The following CDH18 variants were observed in gnomAD, a reference collection of about 807,000 sequenced individuals.
CDH18 encodes cadherin-18.
CDH18 carries 31 observed loss-of-function variants against 67.9 expected under a neutral mutation model. The ratio of observed to expected loss-of-function variants is 0.46; its 90% confidence interval spans 0.34 to 0.62. CDH18 has a LOEUF of 0.62. CDH18 is among the 20% of genes least tolerant of loss of function. The probability of loss-of-function intolerance (pLI) is 0.01; values close to 1 mark genes in which losing one functional copy is unlikely to be tolerated. For synonymous variants in CDH18, 362 were observed against 347.2 expected (o/e 1.04, Z -0.48); for missense variants, 890 against 975.5 (o/e 0.91, Z 1.17).
intron 1 of CDH18, among the ~76,000 whole-genome samples, chr5:20,469,371 TAAAAC>T (rs1751889821): frequency 6.6e-6 from 1 of 152,164 alleles, no homozygotes; most frequent in Non-Finnish European, 1.5e-5. Flanking sequence ...TTTTCTAAAA[TAAAAC>T]ATTTAATTAA....
chr5:20,539,273 C>T (rs1756916162), intron 1 of CDH18, among the ~76,000 whole-genome samples: 1 of 152,108 alleles, frequency 6.6e-6, no homozygotes, highest in Non-Finnish European at 1.5e-5. Flanking sequence ...TGCCCATTCC[C>T]ATTTGAAACA....
At chr5:20,060,450 C>A (rs187099704) in intron 2 of CDH18, among the ~76,000 whole-genome samples, 1 of 151,032 alleles carries the variant, frequency 6.6e-6, no homozygotes, top group East Asian at 2.0e-4. Flanking sequence ...GGTGACAAAG[C>A]GAGATTCTGT....
chr5:20,379,255 G>A (rs1743712451), intron 1 of CDH18, among the ~76,000 whole-genome samples: 1 of 152,102 alleles, frequency 6.6e-6, no homozygotes, highest in East Asian at 1.9e-4. Flanking sequence ...CAATTGTCAT[G>A]TATAGATTTC....
intron 2 of CDH18, among the ~76,000 whole-genome samples, chr5:19,933,720 C>T: frequency 6.6e-6 from 1 of 151,324 alleles, no homozygotes; most frequent in African/African-American, 2.4e-5. Flanking sequence ...TGTTTTCTTC[C>T]TAGTTATTGA....
intron 1 of CDH18, among the ~76,000 whole-genome samples, chr5:20,449,099 C>G (rs1033433705): frequency 3.9e-5 from 6 of 152,014 alleles, no homozygotes; most frequent in African/African-American, 7.2e-5. Context: ...ATATTAAAAT[C>G]TTGATACAAC....
chr5:20,360,313 C>T (rs1446874972), intron 1 of CDH18, among the ~76,000 whole-genome samples: 2 of 152,060 alleles, frequency 1.3e-5, no homozygotes, highest in Non-Finnish European at 2.9e-5. Context: ...GGTTAATCCT[C>T]CCTCTAGACG....
At chr5:20,561,452 A>C (rs188215847) in intron 1 of CDH18, among the ~76,000 whole-genome samples, 13 of 152,232 alleles carry the variant, frequency 8.5e-5, no homozygotes, top group Admixed American at 7.9e-4. Context: ...CAAACCAAAA[A>C]GACATGGAGC....
At chr5:19,825,465 C>T (rs1034927115) in intron 3 of CDH18, among the ~76,000 whole-genome samples, 27 of 152,090 alleles carry the variant, frequency 1.8e-4, no homozygotes, top group African/African-American at 6.3e-4. Flanking sequence ...GCAGGTGCAA[C>T]CCCATGTTCC....
At chr5:19,852,968 C>T (rs987495709) in intron 2 of CDH18, among the ~76,000 whole-genome samples, 1 of 151,948 alleles carries the variant, frequency 6.6e-6, no homozygotes, top group African/African-American at 2.4e-5. Context: ...TTCCATATCC[C>T]ACTGAATTTT....
chr5:19,658,970 T>TA lies in CDH18; in HGVS notation c.644-46370dup, dbSNP rs534678227. 2.5e-3 allele frequency among the ~76,000 whole-genome samples: 383 copies of TA among 152,080 alleles called. 2 individuals are homozygous for TA. Among genetic ancestry groups the TA allele is most frequent in the African/African-American group, 8.2e-3 (342 of 41,494 alleles). ...TACACCATGGAATACTATGCAGCCA[T>TA]AAAAAATGATGAGTTCATGTCCTTT... On this transcript the variant is annotated intron_variant, in intron 5 of 12. Coordinates refer to ENST00000382275, the MANE Select transcript of CDH18 (RefSeq NM_004934.5).
At chr5:20,177,526 T>A (rs1737331984) in intron 2 of CDH18, among the ~76,000 whole-genome samples, 1 of 152,174 alleles carries the variant, frequency 6.6e-6, no homozygotes, top group African/African-American at 2.4e-5. Flanking sequence ...GTTAATTTTA[T>A]GTGTCAAATT....
At chr5:19,614,952 C>T (rs554913828) in intron 5 of CDH18, among the ~76,000 whole-genome samples, 1 of 152,164 alleles carries the variant, frequency 6.6e-6, no homozygotes, top group Non-Finnish European at 1.5e-5. Flanking sequence ...TTCAGACCAT[C>T]CTGGCTAACA....
chr5:20,484,110 G>T (rs6889492), intron 1 of CDH18, among the ~76,000 whole-genome samples: 27,980 of 151,844 alleles, frequency 0.18, 3,208 homozygotes, highest in East Asian at 0.39. Flanking sequence ...GAATAAAAAT[G>T]GGCAAAAGGT....
chr5:20,246,911 T>C (rs1412327032), intron 2 of CDH18, among the ~76,000 whole-genome samples: 2 of 152,178 alleles, frequency 1.3e-5, no homozygotes, highest in East Asian at 3.9e-4. Context: ...AAATCTTGCT[T>C]TCCTTGATTT....
At position 19,471,925 on chromosome 5, in the gene CDH18, CA is replaced by C. The variant is rs1737683159; in HGVS notation, c.*1300del. On this transcript the variant is annotated 3_prime_UTR_variant, in exon 13 of 13. Coordinates refer to ENST00000382275, the MANE Select transcript of CDH18 (RefSeq NM_004934.5). ...ACTTTGCAGTTGGCAAAGCATTTTACAGATGCTCATTTAATCCTCACAACAA... is the reference window on the plus strand; with the variant it reads ...ACTTTGCAGTTGGCAAAGCATTTTACGATGCTCATTTAATCCTCACAACAA... 6.6e-6 allele frequency among the ~76,000 whole-genome samples: 1 copy of C among 152,138 alleles called. No individual in the cohort carries two copies. Among genetic ancestry groups the C allele is most frequent in the Non-Finnish European group, 1.5e-5 (1 of 68,012 alleles).
intron 1 of CDH18, among the ~76,000 whole-genome samples, chr5:20,561,574 A>G (rs1354963884): frequency 6.6e-6 from 1 of 152,068 alleles, no homozygotes; most frequent in African/African-American, 2.4e-5. Flanking sequence ...AAAGATCAGT[A>G]GTTGCCAGGG....
intron 2 of CDH18, among the ~76,000 whole-genome samples, chr5:20,092,262 G>A (rs1330779908): frequency 6.6e-6 from 1 of 152,036 alleles, no homozygotes; most frequent in Non-Finnish European, 1.5e-5. Context: ...TACTACAGTG[G>A]AAAAGATTAC....
chr5:19,544,949 C>T (rs1278689348), intron 8 of CDH18, among the ~76,000 whole-genome samples: 3 of 152,024 alleles, frequency 2.0e-5, no homozygotes, highest in Admixed American at 6.6e-5. Context: ...GCTAACCCAC[C>T]GACACATGCA....
intron 1 of CDH18, among the ~76,000 whole-genome samples, chr5:20,450,221 C>T (rs969251087): frequency 1.3e-5 from 2 of 152,002 alleles, no homozygotes; most frequent in African/African-American, 4.8e-5. Flanking sequence ...GTGGCACACG[C>T]CTGTAATCCC....
Sources: gnomAD v4.1 joint callset for allele counts (sites outside exome capture counted in the v4.1 genomes callset) on GRCh38, gnomAD v4.1.1 for gene constraint, MANE v1.5 for transcripts, NCBI Gene and HGNC (gene_info 2026-07-23, HGNC 2026-07-21) for gene names.